DAB1: variants seen among roughly 807,000 people sequenced by gnomAD.
DAB1 encodes the protein DAB adaptor protein 1, also known as disabled homolog 1.
DAB1 carries 15 observed loss-of-function variants against 64.6 expected under a neutral mutation model. That is an observed-to-expected ratio of 0.23 (90% CI 0.16 to 0.36). DAB1 has a LOEUF of 0.36. DAB1 is among the 10% of genes least tolerant of loss of function. The pLI is 1.00. For missense variants in DAB1, 596 were observed against 706.7 expected, an observed-to-expected ratio of 0.84 and a Z score of 1.78; for synonymous variants, 235 against 251.9, an observed-to-expected ratio of 0.93 and a Z score of 0.64.
intron 4 of DAB1, chr1:58,228,628 G>T: frequency 1.2e-6 from 1 of 810,594 alleles, no homozygotes; most frequent in Non-Finnish European, 1.9e-6. Context: ...CCCCTTGTGC[G>T]AGGTTCACAT....
intron 5 of DAB1, among the ~76,000 whole-genome samples, chr1:58,060,846 A>AC (rs1195522706): frequency 1.3e-5 from 2 of 152,224 alleles, no homozygotes; most frequent in African/African-American, 4.8e-5. Context: ...TCCTGCCATG[A>AC]CATCACATTA....
intron 5 of DAB1, among the ~76,000 whole-genome samples, chr1:58,002,659 C>T (rs1170688849): frequency 4.6e-5 from 7 of 151,970 alleles, no homozygotes; most frequent in African/African-American, 1.7e-4. Flanking sequence ...AAGCAGTTAA[C>T]ACAAGGTGTA....
intron 11 of DAB1, among the ~76,000 whole-genome samples, chr1:57,018,773 G>A (rs1222932130): frequency 6.6e-6 from 1 of 152,096 alleles, no homozygotes; most frequent in East Asian, 1.9e-4. Context: ...TAAGTATAAG[G>A]CTCAGATGTC....
intron 7 of DAB1, among the ~76,000 whole-genome samples, chr1:57,435,948 G>C (rs537821704): frequency 3.2e-4 from 40 of 126,160 alleles, no homozygotes; most frequent in African/African-American, 1.2e-3. Context: ...ATGGAGTCTC[G>C]CTCTGTGGCC....
At chr1:57,228,444 C>T (rs1310873277) in intron 2 of DAB1, among the ~76,000 whole-genome samples, 1 of 151,952 alleles carries the variant, frequency 6.6e-6, no homozygotes, top group Non-Finnish European at 1.5e-5. Flanking sequence ...GAAGAGAAAA[C>T]CTGAATGACC....
intron 5 of DAB1, among the ~76,000 whole-genome samples, chr1:58,087,749 C>T (rs28613498): frequency 0.011 from 1,710 of 152,228 alleles, 67 homozygotes; most frequent in South Asian, 0.1. Flanking sequence ...AAAGATCAAG[C>T]AAGGAAGAAA....
At chr1:57,001,678 T>TCC (rs1645873992) in intron 14 of DAB1, among the ~76,000 whole-genome samples, 1 of 152,108 alleles carries the variant, frequency 6.6e-6, no homozygotes, top group Admixed American at 6.6e-5. Flanking sequence ...CCACTCTCTC[T>TCC]CCTACACCCT....
At chr1:58,506,583 C>A (rs945366310) in intron 2 of DAB1, among the ~76,000 whole-genome samples, 1 of 152,074 alleles carries the variant, frequency 6.6e-6, no homozygotes, top group Non-Finnish European at 1.5e-5. Context: ...TTCACAATAA[C>A]CCTGCTAACC....
chr1:57,099,078 G>T (rs1654432259), intron 4 of DAB1, among the ~76,000 whole-genome samples: 1 of 152,164 alleles, frequency 6.6e-6, no homozygotes, highest in African/African-American at 2.4e-5. Flanking sequence ...GAGGCTCTGG[G>T]TCTAGACAAA....
At chr1:57,211,490 A>T (rs909171915) in intron 2 of DAB1, among the ~76,000 whole-genome samples, 1 of 152,190 alleles carries the variant, frequency 6.6e-6, no homozygotes, top group African/African-American at 2.4e-5. Flanking sequence ...CTGCATTCAA[A>T]TCCTTGCTTT....
At chr1:57,617,946 G>A (rs1373553166) in intron 7 of DAB1, among the ~76,000 whole-genome samples, 6 of 152,134 alleles carry the variant, frequency 3.9e-5, no homozygotes, top group African/African-American at 1.4e-4. Flanking sequence ...ACCTAGAAAA[G>A]AACTTCCTGC....
At chr1:58,118,503 T>TATATACACACACAC (rs1341446315) in intron 5 of DAB1, among the ~76,000 whole-genome samples, 91 of 53,086 alleles carry the variant, frequency 1.7e-3, no homozygotes, top group African/African-American at 7.5e-3. Context: ...TATATATATA[T>TATATACACACACAC]ACACACACAC....
chr1:57,636,986 C>T (rs891650452), intron 7 of DAB1, among the ~76,000 whole-genome samples: 1 of 152,170 alleles, frequency 6.6e-6, no homozygotes, highest in Non-Finnish European at 1.5e-5. Context: ...AAAAAAGTTA[C>T]ATATTTGTAA....
chr1:57,691,549 C>T (rs1330497786), intron 6 of DAB1, among the ~76,000 whole-genome samples: 1 of 152,124 alleles, frequency 6.6e-6, no homozygotes, highest in African/African-American at 2.4e-5. Context: ...TTTGGGTCTG[C>T]ACCACCTTTA....
At chr1:58,099,776 C>A (rs1222261394) in intron 5 of DAB1, among the ~76,000 whole-genome samples, 1 of 152,204 alleles carries the variant, frequency 6.6e-6, no homozygotes, top group Non-Finnish European at 1.5e-5. Flanking sequence ...AAACAACTTG[C>A]ACAGGAAAAA....
At chr1:57,843,980 G>C (rs928626645) in intron 1 of DAB1, among the ~76,000 whole-genome samples, 2 of 152,180 alleles carry the variant, frequency 1.3e-5, no homozygotes, top group Non-Finnish European at 2.9e-5. Flanking sequence ...TAAAATCTGT[G>C]CCTGATGTTC....
At chr1:57,848,330 C>T (rs1653376698) in intron 1 of DAB1, among the ~76,000 whole-genome samples, 1 of 152,214 alleles carries the variant, frequency 6.6e-6, no homozygotes, top group South Asian at 2.1e-4. Context: ...CATGAACACA[C>T]ACCATGTAAA....
At chr1:57,778,569 G>T (rs1403082557) in intron 6 of DAB1, among the ~76,000 whole-genome samples, 1 of 151,976 alleles carries the variant, frequency 6.6e-6, no homozygotes, top group Non-Finnish European at 1.5e-5. Flanking sequence ...AGTCTGGCAA[G>T]AATTACTCTA....
chr1:57,063,569 C>G (rs1304545620), intron 8 of DAB1, among the ~76,000 whole-genome samples: 1 of 152,192 alleles, frequency 6.6e-6, no homozygotes, highest in African/African-American at 2.4e-5. Context: ...CCTTACTCAT[C>G]CATCTGGTCT....
Sources: gnomAD v4.1 joint callset for allele counts (sites outside exome capture counted in the v4.1 genomes callset) on GRCh38, gnomAD v4.1.1 for gene constraint, MANE v1.5 for transcripts, NCBI Gene and HGNC (gene_info 2026-07-23, HGNC 2026-07-21) for gene names.